The following NUP210 variants were observed in gnomAD, a reference collection of about 807,000 sequenced individuals.
NUP210 encodes nuclear pore membrane glycoprotein 210.
Under a neutral mutation model 196.0 loss-of-function variants are expected in NUP210, and 151 were observed. That is an observed-to-expected ratio of 0.77 (90% CI 0.67 to 0.88). The LOEUF is 0.88. NUP210 is among the 40% of genes least tolerant of loss of function. NUP210 has a pLI of 0.00. For synonymous variants in NUP210, 1,070 were observed against 1,052.7 expected (o/e 1.02, Z -0.32); for missense variants, 2,314 against 2,493.7 (o/e 0.93, Z 1.53).
chr3:13,319,460 C>T (rs968888863), intron 37 of NUP210, 135 bp from the exon 38 acceptor site: 18 of 772,060 alleles, frequency 2.3e-5, no homozygotes, highest in Non-Finnish European at 3.3e-5. Context: ...TCTCAGAGGG[C>T]CAGGCCACCT....
chr3:13,375,665 C>T (rs749215279), intron 10 of NUP210, 24 bp from the exon 11 acceptor site: 48 of 1,604,162 alleles, frequency 3.0e-5, no homozygotes, highest in South Asian at 6.6e-5. Flanking sequence ...GGGTGCCACA[C>T]GTAACCATGA....
intron 6 of NUP210, among the ~76,000 whole-genome samples, chr3:13,384,129 A>G (rs545554977): frequency 2.6e-5 from 4 of 151,070 alleles, no homozygotes; most frequent in African/African-American, 4.9e-5. Flanking sequence ...CACCTGGCCA[A>G]TTTTTGTATT....
At chr3:13,370,371 G>C (rs947063205) in intron 13 of NUP210, among the ~76,000 whole-genome samples, 2 of 152,216 alleles carry the variant, frequency 1.3e-5, no homozygotes, top group Non-Finnish European at 2.9e-5. Flanking sequence ...ATAAGCAAGA[G>C]CTGTCATCCC....
At chr3:13,386,821 T>C (rs1358359362) in intron 5 of NUP210, among the ~76,000 whole-genome samples, 2 of 152,184 alleles carry the variant, frequency 1.3e-5, no homozygotes, top group African/African-American at 2.4e-5. Context: ...GAGAGGCATA[T>C]GCTGTGATGA....
chr3:13,401,058 G>C (rs1368927357), intron 1 of NUP210, among the ~76,000 whole-genome samples: 5 of 151,956 alleles, frequency 3.3e-5, no homozygotes, highest in African/African-American at 9.7e-5. Context: ...AGGAGTTCGA[G>C]ACCAGCCTGA....
intron 8 of NUP210, 82 bp downstream of exon 8, chr3:13,378,830 G>A: frequency 9.7e-7 from 1 of 1,035,050 alleles, no homozygotes; most frequent in Non-Finnish European, 1.5e-6. Context: ...TTTCTGTGGA[G>A]CTATTGCTTC....
chr3:13,318,804 A>T (rs558722962), intron 39 of NUP210, among the ~76,000 whole-genome samples: 1 of 152,286 alleles, frequency 6.6e-6, no homozygotes, highest in African/African-American at 2.4e-5. Flanking sequence ...ATCCAGTCCT[A>T]GCATGCACTC....
intron 6 of NUP210, among the ~76,000 whole-genome samples, chr3:13,381,705 T>C (rs1305711151): frequency 6.6e-6 from 1 of 152,192 alleles, no homozygotes; most frequent in Non-Finnish European, 1.5e-5. Flanking sequence ...AAGGCGCTCC[T>C]GAGGCCCCAG....
chr3:13,342,324 G>A (rs1429265084), intron 21 of NUP210, among the ~76,000 whole-genome samples: 2 of 152,132 alleles, frequency 1.3e-5, no homozygotes, highest in Non-Finnish European at 2.9e-5. Flanking sequence ...GATACTTAGA[G>A]GCATAAATTC....
chr3:13,397,519 A>G (rs1301263900), intron 2 of NUP210, 31 bp from the exon 3 acceptor site: 6 of 1,551,922 alleles, frequency 3.9e-6, no homozygotes, highest in Non-Finnish European at 5.2e-6. Context: ...GGTCAGCACC[A>G]AAGACAGTCC....
intron 13 of NUP210, among the ~76,000 whole-genome samples, chr3:13,369,794 A>G (rs1178859751): frequency 1.3e-5 from 2 of 152,188 alleles, no homozygotes; most frequent in Non-Finnish European, 2.9e-5. Flanking sequence ...CCGTGTTGAG[A>G]GAGTTACAGT....
intron 13 of NUP210, among the ~76,000 whole-genome samples, chr3:13,369,211 T>C (rs987578517): frequency 6.6e-6 from 1 of 152,250 alleles, no homozygotes; most frequent in Non-Finnish European, 1.5e-5. Context: ...CGTGTGCTTA[T>C]TGTCCGTGTA....
chr3:13,410,640 G>T (rs112018539), intron 1 of NUP210, among the ~76,000 whole-genome samples: 2 of 148,658 alleles, frequency 1.3e-5, no homozygotes, highest in Admixed American at 6.7e-5. Context: ...CAAAAAGGCC[G>T]GGCACGGTGG....
At position 13,342,024 on chromosome 3, in the gene NUP210, G is replaced by A. The variant is rs778991781; in HGVS notation, c.3064C>T (p.Arg1022Ter). 17 of 1,614,060 alleles carry A rather than the reference G, an allele frequency of 1.1e-5. No individual in the cohort carries two copies. The highest frequency in any genetic ancestry group is 4.0e-5 in the African/African-American group (3 of 74,916). ...AATGTAATGATCGGGGAGGCTGCTC[G>A]GAGCTTCAGGTCCATAAAGGGGAAG... is the stretch of plus-strand genomic sequence containing the variant. ...KYFPFMDLKLRAASPIITLVA... is the reference protein window; with the variant it reads ...KYFPFMDLKL Residue 1022 changes from arginine to a stop codon, truncating the protein, a stop_gained, in exon 22 of 40, where the codon CGA (arginine) becomes TGA (stop). Coordinates refer to ENST00000254508, the MANE Select transcript of NUP210 (RefSeq NM_024923.4). LOFTEE classifies it high-confidence loss of function.
chr3:13,325,979 C>G lies in NUP210; in HGVS notation c.4508-48G>C. ...AGCCCCCTTTCCATAGCTGGACACT[C>G]CAGTCAAAGCCCAGCTCACCTGGAT... On this transcript the variant is annotated intron_variant, in intron 32 of 39. Coordinates refer to ENST00000254508, the MANE Select transcript of NUP210 (RefSeq NM_024923.4). 2.5e-6 allele frequency: 4 copies of G among 1,600,350 alleles called. No homozygotes were observed. The South Asian group carries it at 4.4e-5, about 18-fold the overall frequency.
intron 14 of NUP210, 75 bp from the exon 15 acceptor site, chr3:13,360,566 C>T (rs980130875): frequency 3.5e-6 from 4 of 1,144,428 alleles, no homozygotes; most frequent in Non-Finnish European, 3.7e-6. Context: ...CCCAGCCCCA[C>T]ATCCTCACCC....
intron 3 of NUP210, among the ~76,000 whole-genome samples, chr3:13,394,519 T>G (rs1699591799): frequency 6.6e-6 from 1 of 152,210 alleles, no homozygotes; most frequent in Non-Finnish European, 1.5e-5. Flanking sequence ...AGGCAGTGCA[T>G]CCAGCGGGAA....
In NUP210 at chr3:13,342,094, G is replaced by T; in HGVS notation, c.2994C>A (p.Tyr998Ter). ...TCTTGTGCAAGTCCAGCACGCGGAC[G>T]TATGCCTTCACTGTCTTCCCAATCT... ...KVEIGKTVKA[Y>*]VRVLDLHKKP... The change falls in exon 22 of 40, where the codon TAC becomes TAA. Residue 998 changes from tyrosine to a stop codon, truncating the protein, a stop_gained. Transcript: ENST00000254508. LOFTEE classifies it high-confidence loss of function. 6.2e-7 allele frequency: 1 copy of T among 1,614,166 alleles called. No homozygotes were observed. Among genetic ancestry groups the T allele is most frequent in the Non-Finnish European group, 8.5e-7 (1 of 1,180,032 alleles).
chr3:13,404,912 T>C (rs1456037995), intron 1 of NUP210, among the ~76,000 whole-genome samples: 1 of 152,134 alleles, frequency 6.6e-6, no homozygotes, highest in Non-Finnish European at 1.5e-5. Flanking sequence ...TTCACAGACA[T>C]GGTAGTTGAT....
Sources: gnomAD v4.1 joint callset for allele counts (sites outside exome capture counted in the v4.1 genomes callset) on GRCh38, gnomAD v4.1.1 for gene constraint, MANE v1.5 for transcripts, NCBI Gene and HGNC (gene_info 2026-07-23, HGNC 2026-07-21) for gene names.